Variants in ELMOD2 observed in about 807,000 individuals in gnomAD.
The protein encoded by ELMOD2 is ELMO domain containing 2, also known as ELMO domain-containing protein 2.
ELMOD2 carries 28 observed loss-of-function variants against 41.0 expected under a neutral mutation model. The ratio of observed to expected loss-of-function variants is 0.68; its 90% CI spans 0.51 to 0.94. The LOEUF is 0.94. ELMOD2 is among the 40% of genes least tolerant of loss of function. The probability of loss-of-function intolerance (pLI) is 0.00; values close to 1 mark genes in which losing one functional copy is unlikely to be tolerated. For missense variants in ELMOD2, 333 were observed against 343.1 expected, an observed-to-expected ratio of 0.97 and a Z score of 0.23; for synonymous variants, 106 against 107.2, an observed-to-expected ratio of 0.99 and a Z score of 0.07.
chr4:140,527,404 A>G, intron 2 of ELMOD2, 62 bp from the exon 3 acceptor site: 2 of 1,284,852 alleles, frequency 1.6e-6, no homozygotes, highest in Non-Finnish European at 1.1e-6. Context: ...GTTGTTTATT[A>G]TAGGGTAATT....
At chr4:140,542,126 C>G (rs1735123148) in intron 6 of ELMOD2, among the ~76,000 whole-genome samples, 1 of 151,740 alleles carries the variant, frequency 6.6e-6, no homozygotes, top group Non-Finnish European at 1.5e-5. Context: ...TTTCTCATTG[C>G]AAAAAGATTG....
Position 140,525,406 on chromosome 4 carries a change from T to C in ELMOD2, c.-9-14T>C. ...AAGGTCATTAAGCTTGTCTTGTATG[T>C]TTCCCTCCTCCAGGAAAAAAAAATG... On this transcript the variant is annotated splice_polypyrimidine_tract_variant and intron_variant, in intron 1 of 8. Coordinates refer to ENST00000323570, the MANE Select transcript of ELMOD2 (RefSeq NM_153702.4). The C allele has an allele frequency of 6.2e-7, 1 of 1,611,050 alleles. No individual in the cohort carries two copies. The highest frequency in any genetic ancestry group is 8.5e-7 in the Non-Finnish European group (1 of 1,178,984).
chr4:140,530,209 G>T (rs1734702406), intron 3 of ELMOD2, among the ~76,000 whole-genome samples: 1 of 152,064 alleles, frequency 6.6e-6, no homozygotes, highest in Non-Finnish European at 1.5e-5. Flanking sequence ...CAACAGTTTT[G>T]GTCACAGAAT....
At chr4:140,544,798 C>T (rs1735219935) in intron 8 of ELMOD2, among the ~76,000 whole-genome samples, 1 of 152,118 alleles carries the variant, frequency 6.6e-6, no homozygotes, top group Non-Finnish European at 1.5e-5. Flanking sequence ...CTGTTCTTTC[C>T]AGGTGATGCC....
chr4:140,537,349 G>A, intron 4 of ELMOD2, 63 bp from the exon 5 acceptor site: 2 of 1,350,002 alleles, frequency 1.5e-6, no homozygotes, highest in Non-Finnish European at 1.9e-6. Flanking sequence ...TGAACCACAA[G>A]CTATGAAAGA....
At chr4:140,542,746 T>G in intron 7 of ELMOD2, 104 bp downstream of exon 7, 4 of 906,480 alleles carry the variant, frequency 4.4e-6, no homozygotes, top group Non-Finnish European at 6.4e-6. Flanking sequence ...AATAAAGTAT[T>G]TTAATAAGAA....
At chr4:140,542,893 G>A (rs926002190) in intron 7 of ELMOD2, among the ~76,000 whole-genome samples, 1 of 151,834 alleles carries the variant, frequency 6.6e-6, no homozygotes, top group African/African-American at 2.4e-5. Context: ...CTTATAAAAT[G>A]CTTTTGAGAA....
chr4:140,543,176 C>T (rs1224018850), intron 7 of ELMOD2, among the ~76,000 whole-genome samples: 1 of 151,858 alleles, frequency 6.6e-6, no homozygotes, highest in East Asian at 1.9e-4. Flanking sequence ...TGTCTATAGT[C>T]CCCCTGACCC....
intron 8 of ELMOD2, among the ~76,000 whole-genome samples, chr4:140,546,321 C>T (rs1735279314): frequency 6.6e-6 from 1 of 151,608 alleles, no homozygotes; most frequent in African/African-American, 2.4e-5. Context: ...GAATATCACA[C>T]ACCGGGGCCT....
rs998806198 is a variant in ELMOD2 at position 140,553,323 on chromosome 4, G to C, written c.*2948G>C. On this transcript the variant is annotated 3_prime_UTR_variant, in exon 9 of 9. Transcript: ENST00000323570. The stretch of plus-strand genomic sequence containing the variant: ...TTATTATCCTTTTTGAAATAACAGG[G>C]ACCAGCAGCAGTTTTCTCAGGATAA... The C allele has an allele frequency of 3.3e-5, 5 of 152,066 alleles. No homozygotes were observed. The highest frequency in any genetic ancestry group is 1.2e-4 in the African/African-American group (5 of 41,418). The allele number at this position is 152,066 out of a possible 1,614,324, so 9.4% of individuals were successfully genotyped here.
chr4:140,539,211 TTC>T (rs963740970), intron 5 of ELMOD2, among the ~76,000 whole-genome samples: 5 of 152,220 alleles, frequency 3.3e-5, no homozygotes, highest in Non-Finnish European at 7.3e-5. Context: ...ATGAAAGTAT[TTC>T]TGTTTTGCAA....
At position 140,543,444 on chromosome 4, in the gene ELMOD2, C is replaced by T; in HGVS notation, c.603-9C>T. 6.3e-7 allele frequency: 1 copy of T among 1,587,122 alleles called. No individual in the cohort carries two copies. The highest frequency in any genetic ancestry group is 8.5e-7 in the Non-Finnish European group (1 of 1,172,998). Reference sequence around the variant, plus strand: ...CTAGCTGGTATAACTGGTAATGTTTCTGACATAGGTATTCTTATGCAATAG... The same window carrying T: ...CTAGCTGGTATAACTGGTAATGTTTTTGACATAGGTATTCTTATGCAATAG... On this transcript the variant is annotated splice_polypyrimidine_tract_variant and intron_variant, in intron 7 of 8. Transcript: ENST00000323570.
intron 3 of ELMOD2, among the ~76,000 whole-genome samples, chr4:140,530,638 C>T (rs1734718277): frequency 6.6e-6 from 1 of 152,112 alleles, no homozygotes; most frequent in Non-Finnish European, 1.5e-5. Flanking sequence ...GGGCATCCTG[C>T]AAAGAGAGTG....
In ELMOD2 at chr4:140,537,468, A is replaced by T; in HGVS notation, c.326A>T (p.Tyr109Phe). Residue 109 changes from tyrosine (Y) to phenylalanine (F), a missense_variant, in exon 5 of 9, where the codon TAT (tyrosine) becomes TTT (phenylalanine). Physicochemically the swap from Tyr to Phe is conservative, Grantham distance 22. Coordinates refer to ENST00000323570, the MANE Select transcript of ELMOD2 (RefSeq NM_153702.4). ...LLQITGYKQLYLDVESVRKRP... is the reference protein window; with the variant it reads ...LLQITGYKQLFLDVESVRKRP... Reference sequence around the variant, plus strand: ...CAGATAACTGGTTATAAACAGCTGTATTTGGATGTAGAAAGTGTGAGGAAA... The same window carrying T: ...CAGATAACTGGTTATAAACAGCTGTTTTTGGATGTAGAAAGTGTGAGGAAA... The T allele has an allele frequency of 6.3e-7, 1 of 1,582,774 alleles. No individual in the cohort carries two copies. Among genetic ancestry groups the T allele is most frequent in the Non-Finnish European group, 8.6e-7 (1 of 1,167,364 alleles).
At position 140,540,323 on chromosome 4, in the gene ELMOD2, T is replaced by C. The variant is rs762353702; in HGVS notation, c.533+22T>C. The C allele has an allele frequency of 5.0e-6, 8 of 1,610,160 alleles. No individual in the cohort carries two copies. The South Asian group carries it at 8.8e-5, about 18-fold the overall frequency. On this transcript the variant is annotated intron_variant, in intron 6 of 8. Transcript: ENST00000323570. Reference sequence around the variant, plus strand: ...TTGTGTAAGTGAAAGTAAACTTTCTTTTCTTCCCTAAATGAAATTACATTT... The same window carrying C: ...TTGTGTAAGTGAAAGTAAACTTTCTCTTCTTCCCTAAATGAAATTACATTT...
In ELMOD2 at chr4:140,551,543, G is replaced by A. The variant is rs1176085776; in HGVS notation, c.*1168G>A. ...TTATATAGTGATGAGATTTTTATGGGAATGATTTCTTCTTGGTGCGTTTTA... is the reference window on the plus strand; with the variant it reads ...TTATATAGTGATGAGATTTTTATGGAAATGATTTCTTCTTGGTGCGTTTTA... On this transcript the variant is annotated 3_prime_UTR_variant, in exon 9 of 9. Transcript: ENST00000323570. The A allele has an allele frequency of 1.3e-5, 2 of 152,026 alleles. No individual in the cohort carries two copies. Among genetic ancestry groups the A allele is most frequent in the African/African-American group, 4.8e-5 (2 of 41,426 alleles). 9.4% of individuals were successfully genotyped at this position (152,026 alleles called of 1,614,324 possible).
chr4:140,525,911 C>T (rs1243693081), intron 2 of ELMOD2, among the ~76,000 whole-genome samples: 1 of 152,194 alleles, frequency 6.6e-6, no homozygotes, highest in Non-Finnish European at 1.5e-5. Context: ...ATGAGTGCCT[C>T]AGTCTACATC....
At chr4:140,531,235 G>C (rs1047792599) in intron 3 of ELMOD2, among the ~76,000 whole-genome samples, 3 of 152,246 alleles carry the variant, frequency 2.0e-5, no homozygotes, top group East Asian at 1.9e-4. Context: ...CTTGAAGTAT[G>C]ATCATGTTGG....
chr4:140,552,615 CAT>C lies in ELMOD2; in HGVS notation c.*2243_*2244del, dbSNP rs1161050498. 6.6e-6 allele frequency: 1 copy of C among 151,970 alleles called. No homozygotes were observed. Among genetic ancestry groups the C allele is most frequent in the Non-Finnish European group, 1.5e-5 (1 of 67,928 alleles). The allele number at this position is 151,970 out of a possible 1,614,324, so 9.4% of individuals were successfully genotyped here. A position where few individuals can be genotyped will look rare whatever the true frequency, so the allele number is the denominator to read the frequency against. ...TCTACCTTCCTACTTTCCCTTTTGACATATGTAGTTGGAATTTTACATAGTCT... is the reference window on the plus strand; with the variant it reads ...TCTACCTTCCTACTTTCCCTTTTGACATGTAGTTGGAATTTTACATAGTCT... On this transcript the variant is annotated 3_prime_UTR_variant, in exon 9 of 9. Coordinates refer to ENST00000323570, the MANE Select transcript of ELMOD2 (RefSeq NM_153702.4).
Sources: allele counts gnomAD v4.1 joint callset (sites outside exome capture counted in the v4.1 genomes callset), GRCh38; gene constraint gnomAD v4.1.1; transcripts MANE v1.5; gene names NCBI Gene and HGNC (gene_info 2026-07-23, HGNC 2026-07-21).